Variants in KCNQ5 observed in about 807,000 individuals in gnomAD.
The protein encoded by KCNQ5 is potassium voltage-gated channel subfamily KQT member 5.
KCNQ5 carries 30 observed loss-of-function variants against 98.2 expected under a neutral mutation model. The observed-to-expected ratio is 0.31, with a 90% CI of 0.23 to 0.41. The LOEUF (loss-of-function observed/expected upper bound fraction) is 0.41. Ranked by LOEUF, KCNQ5 falls within the 10% of genes least tolerant of loss-of-function variation. KCNQ5 has a pLI of 1.00. For missense variants in KCNQ5, 835 were observed against 1,182.5 expected (o/e 0.71, Z 4.31); for synonymous variants, 458 against 449.4 (o/e 1.02, Z -0.24).
intron 1 of KCNQ5, among the ~76,000 whole-genome samples, chr6:72,866,005 T>C (rs1244764020): frequency 1.3e-5 from 2 of 152,150 alleles, no homozygotes; most frequent in African/African-American, 4.8e-5. Flanking sequence ...GAGCTTTACA[T>C]TATGTAATCT....
At chr6:72,678,911 A>C (rs1048944035) in intron 1 of KCNQ5, among the ~76,000 whole-genome samples, 2 of 152,236 alleles carry the variant, frequency 1.3e-5, no homozygotes, top group African/African-American at 2.4e-5. Flanking sequence ...CTTTTATCTT[A>C]TTAGAAAAGC....
At position 73,194,510 on chromosome 6, in the gene KCNQ5, G is replaced by A. The variant is rs201200702; in HGVS notation, c.1895G>A (p.Arg632Gln). ...CTAGACATCTATCAACAGGTCCTTC[G>A]GAAAGGCTCTGCCTCAGCCCTCGCT... ...CLLDIYQQVL[R>Q]KGSASALALA... The change falls in exon 14 of 14, where the codon CGG (arginine) becomes CAG (glutamine). Residue 632 changes from arginine (R) to glutamine (Q), a missense_variant. By Grantham distance (43) the Arg-to-Gln change is conservative (BLOSUM62 1). This residue lies in a region of KCNQ5 where 416 missense variants were observed against 446.9 expected (regional missense o/e 0.93). Transcript: ENST00000370398. 167 of 1,614,126 alleles carry A rather than the reference G, an allele frequency of 1.0e-4. 1 individual carries two copies. Among genetic ancestry groups the A allele is most frequent in the South Asian group, 6.5e-4 (59 of 91,082 alleles).
intron 1 of KCNQ5, among the ~76,000 whole-genome samples, chr6:72,958,530 C>CT (rs1251036679): frequency 6.6e-6 from 1 of 152,174 alleles, no homozygotes; most frequent in Non-Finnish European, 1.5e-5. Flanking sequence ...CTTTAAGTGT[C>CT]TATCTGTAAG....
chr6:72,906,616 T>A (rs1286865838), intron 1 of KCNQ5, among the ~76,000 whole-genome samples: 1 of 152,226 alleles, frequency 6.6e-6, no homozygotes, highest in Non-Finnish European at 1.5e-5. Flanking sequence ...CTGTCTAAAT[T>A]GACTCAGCTT....
intron 1 of KCNQ5, among the ~76,000 whole-genome samples, chr6:72,707,282 C>A (rs1189721526): frequency 6.6e-6 from 1 of 152,150 alleles, no homozygotes; most frequent in Non-Finnish European, 1.5e-5. Context: ...AATATCAAGG[C>A]AGAAAGCCCA....
chr6:72,951,425 C>A (rs1766799587), intron 1 of KCNQ5, among the ~76,000 whole-genome samples: 2 of 146,472 alleles, frequency 1.4e-5, no homozygotes, highest in Admixed American at 1.4e-4. Context: ...TTACAGGCAC[C>A]AACCACCACA....
At chr6:72,788,393 A>G (rs974423220) in intron 1 of KCNQ5, among the ~76,000 whole-genome samples, 15 of 152,348 alleles carry the variant, frequency 9.8e-5, no homozygotes, top group African/African-American at 3.6e-4. Context: ...ACAGAATAGT[A>G]TGCGGATGAC....
At chr6:73,077,586 C>G in intron 4 of KCNQ5, 89 bp downstream of exon 4, 1 of 1,419,254 alleles carries the variant, frequency 7.0e-7, no homozygotes, top group African/African-American at 1.4e-5. Context: ...CACAAGAAAA[C>G]TTAGTCATTG....
chr6:72,624,084 A>G (rs2098916901), intron 1 of KCNQ5, among the ~76,000 whole-genome samples: 1 of 152,228 alleles, frequency 6.6e-6, no homozygotes, highest in Admixed American at 6.5e-5. Context: ...CCGTTTTACA[A>G]TGCACACAAG....
At chr6:72,976,134 A>T (rs1768150628) in intron 1 of KCNQ5, among the ~76,000 whole-genome samples, 1 of 152,148 alleles carries the variant, frequency 6.6e-6, no homozygotes, top group Admixed American at 6.5e-5. Flanking sequence ...ATCCTTTCTT[A>T]CTTTAGTTCC....
intron 1 of KCNQ5, among the ~76,000 whole-genome samples, chr6:72,864,057 T>C (rs1224973774): frequency 6.6e-6 from 1 of 152,196 alleles, no homozygotes; most frequent in Non-Finnish European, 1.5e-5. Context: ...TAACCAAATA[T>C]TGAAACTGTC....
intron 1 of KCNQ5, among the ~76,000 whole-genome samples, chr6:72,832,033 T>C (rs7756815): frequency 0.027 from 4,154 of 152,224 alleles, 196 homozygotes; most frequent in African/African-American, 0.094. Context: ...GAAGGCAGTA[T>C]TAATTGCCTA....
intron 1 of KCNQ5, among the ~76,000 whole-genome samples, chr6:72,985,304 T>C (rs1030313349): frequency 2.0e-5 from 3 of 152,244 alleles, no homozygotes; most frequent in African/African-American, 7.2e-5. Flanking sequence ...TTACTCTGTG[T>C]TTTTAAATAT....
rs983626047 is a variant in KCNQ5 at position 73,082,377 on chromosome 6, A to G, written c.918+4490A>G. 3.9e-5 allele frequency among the ~76,000 whole-genome samples: 6 copies of G among 152,246 alleles called. No homozygotes were observed. The South Asian group carries it at 6.2e-4, about 16-fold the overall frequency. ...GTTTTTAATTTTAAAAAGTAAATTCAAAACGTCATGACCTTACCTATGATA... is the reference window on the plus strand; with the variant it reads ...GTTTTTAATTTTAAAAAGTAAATTCGAAACGTCATGACCTTACCTATGATA... On this transcript the variant is annotated intron_variant, in intron 5 of 13. Coordinates refer to ENST00000370398, the MANE Select transcript of KCNQ5 (RefSeq NM_019842.4).
At position 73,194,552 on chromosome 6, in the gene KCNQ5, T is replaced by A. The variant is rs1351326352; in HGVS notation, c.1937T>A (p.Ile646Asn). The change falls in exon 14 of 14, where the codon ATC becomes AAC. Residue 646 changes from isoleucine (I) to asparagine (N), a missense_variant. Coordinates refer to ENST00000370398, the MANE Select transcript of KCNQ5 (RefSeq NM_019842.4). ...ASALALASFQ[I>N]PPFECEQTSD... The stretch of plus-strand genomic sequence containing the variant: ...GCCCTCGCTTTGGCTTCATTCCAGA[T>A]CCCACCTTTTGAATGTGAACAGACA... 1 of 1,614,204 alleles carries A rather than the reference T, an allele frequency of 6.2e-7. No homozygotes were observed. Among genetic ancestry groups the A allele is most frequent in the East Asian group, 2.2e-5 (1 of 44,884 alleles).
At position 73,077,709 on chromosome 6, in the gene KCNQ5, C is replaced by A. The variant is rs953115033; in HGVS notation, c.793-53C>A. On this transcript the variant is annotated intron_variant, in intron 4 of 13. Coordinates refer to ENST00000370398, the MANE Select transcript of KCNQ5 (RefSeq NM_019842.4). The stretch of plus-strand genomic sequence containing the variant: ...TAGAATCCTCATAGAATTCTTTTTT[C>A]CTTTTTCAAAGATTTCCCACCTCTA... 3.3e-6 allele frequency: 5 copies of A among 1,523,926 alleles called. No individual in the cohort carries two copies. In the Admixed American group the frequency reaches 9.7e-5, roughly 30 times the overall value. The allele number at this position is 1,523,926 out of a possible 1,614,324, so 94.4% of individuals were successfully genotyped here.
At chr6:72,755,754 T>A (rs939579976) in intron 1 of KCNQ5, among the ~76,000 whole-genome samples, 12 of 152,236 alleles carry the variant, frequency 7.9e-5, no homozygotes, top group Admixed American at 3.9e-4. Context: ...AAATAATTTT[T>A]AAAAATATCC....
chr6:73,183,853 C>T (rs1043222651), intron 11 of KCNQ5, among the ~76,000 whole-genome samples: 1 of 152,132 alleles, frequency 6.6e-6, no homozygotes, highest in African/African-American at 2.4e-5. Context: ...AAAACAGGAG[C>T]CCCAGAGAGC....
chr6:72,826,505 T>C (rs1776000323), intron 1 of KCNQ5, among the ~76,000 whole-genome samples: 1 of 150,688 alleles, frequency 6.6e-6, no homozygotes, highest in African/African-American at 2.5e-5. Flanking sequence ...CCTGCTTAAA[T>C]ATATTCATGC....
Sources: gnomAD v4.1 joint callset for allele counts (sites outside exome capture counted in the v4.1 genomes callset) on GRCh38, gnomAD v4.1.1 for gene constraint, gnomAD v4.1.1 regional missense constraint, MANE v1.5 for transcripts, NCBI Gene and HGNC (gene_info 2026-07-23, HGNC 2026-07-21) for gene names.